ST18: variants seen among roughly 807,000 people sequenced by gnomAD.
ST18 encodes the protein ST18 C2H2C-type zinc finger transcription factor.
Under a neutral mutation model 110.0 loss-of-function variants are expected in ST18, and 50 were observed. The ratio of observed to expected loss-of-function variants is 0.45; its 90% CI spans 0.36 to 0.58. The LOEUF (loss-of-function observed/expected upper bound fraction) is 0.58, where lower values mean the gene tolerates loss of function less well. Among genes scored for constraint, ST18 ranks in the 20% least tolerant of loss-of-function variants. The pLI is 0.00. For synonymous variants in ST18, 461 were observed against 452.4 expected (o/e 1.02, Z -0.24); for missense variants, 1,306 against 1,280.1 (o/e 1.02, Z -0.31).
At chr8:52,371,838 A>T (rs1830385124) in intron 2 of ST18, among the ~76,000 whole-genome samples, 1 of 152,224 alleles carries the variant, frequency 6.6e-6, no homozygotes, top group Admixed American at 6.5e-5. Context: ...TGGAGTAAGC[A>T]ACCCTACTGC....
intron 2 of ST18, among the ~76,000 whole-genome samples, chr8:52,357,184 C>T (rs925929653): frequency 6.6e-6 from 1 of 152,062 alleles, no homozygotes; most frequent in Non-Finnish European, 1.5e-5. Context: ...TATCGAGCTT[C>T]CATCCCCTCA....
chr8:52,363,225 A>C (rs1300301256), intron 2 of ST18, among the ~76,000 whole-genome samples: 1 of 152,158 alleles, frequency 6.6e-6, no homozygotes, highest in Admixed American at 6.5e-5. Context: ...AAGAAAAAAA[A>C]AATCTCCTGC....
At chr8:52,231,635 C>T (rs943037241) in intron 2 of ST18, among the ~76,000 whole-genome samples, 3 of 152,142 alleles carry the variant, frequency 2.0e-5, no homozygotes, top group African/African-American at 2.4e-5. Context: ...GGCCACCAAG[C>T]CCAGTGAATT....
At chr8:52,183,687 T>C (rs1479243663) in intron 8 of ST18, among the ~76,000 whole-genome samples, 1 of 152,164 alleles carries the variant, frequency 6.6e-6, no homozygotes, top group African/African-American at 2.4e-5. Context: ...TAGGTAAAGA[T>C]GGAACTGTCT....
intron 3 of ST18, among the ~76,000 whole-genome samples, chr8:52,227,275 G>A (rs1409550384): frequency 6.6e-6 from 1 of 152,156 alleles, no homozygotes; most frequent in African/African-American, 2.4e-5. Flanking sequence ...GGATTGCCAT[G>A]CTAGACAGTG....
At chr8:52,194,448 C>G (rs1479702558) in intron 8 of ST18, 1 of 152,194 alleles carries the variant, frequency 6.6e-6, no homozygotes, top group Non-Finnish European at 1.5e-5. Context: ...CTGTTTCTTG[C>G]TCCTTTTTAT....
At chr8:52,116,520 A>C in intron 24 of ST18, 102 bp from the exon 25 acceptor site, 1 of 1,115,246 alleles carries the variant, frequency 9.0e-7, no homozygotes, top group Non-Finnish European at 1.3e-6. Flanking sequence ...GAATACTAAG[A>C]GATGCAGAGA....
At chr8:52,113,384 T>A in intron 25 of ST18, 46 bp from the exon 26 acceptor site, 1 of 1,601,400 alleles carries the variant, frequency 6.2e-7, no homozygotes, top group Non-Finnish European at 8.5e-7. Flanking sequence ...TGGTTCAGGC[T>A]GAGGGAAAAG....
intron 8 of ST18, among the ~76,000 whole-genome samples, chr8:52,206,046 G>C (rs950979217): frequency 1.9e-4 from 29 of 152,198 alleles, no homozygotes; most frequent in Admixed American, 1.2e-3. Context: ...CAGACAATAT[G>C]GCACGGCTGC....
At chr8:52,367,568 T>C (rs933877499) in intron 2 of ST18, among the ~76,000 whole-genome samples, 9 of 152,224 alleles carry the variant, frequency 5.9e-5, no homozygotes, top group Admixed American at 3.3e-4. Flanking sequence ...ATGTGTGTGA[T>C]GAATATTACA....
At chr8:52,184,753 A>G (rs2071314863) in intron 8 of ST18, among the ~76,000 whole-genome samples, 1 of 152,218 alleles carries the variant, frequency 6.6e-6, no homozygotes, top group African/African-American at 2.4e-5. Flanking sequence ...TCAGCAATAG[A>G]TACATTCTGG....
At chr8:52,300,291 G>T (rs2095698588) in intron 2 of ST18, among the ~76,000 whole-genome samples, 1 of 152,138 alleles carries the variant, frequency 6.6e-6, no homozygotes, top group Non-Finnish European at 1.5e-5. Context: ...TTGCTATACA[G>T]ATTCTTGAAT....
intron 2 of ST18, among the ~76,000 whole-genome samples, chr8:52,309,468 C>T (rs1444137336): frequency 1.4e-5 from 2 of 143,804 alleles, no homozygotes; most frequent in Non-Finnish European, 3.0e-5. Flanking sequence ...TTGCAGTGAG[C>T]CGAGATTGCA....
chr8:52,167,484 G>A (rs2063396344), intron 10 of ST18, among the ~76,000 whole-genome samples: 1 of 152,242 alleles, frequency 6.6e-6, no homozygotes, highest in African/African-American at 2.4e-5. Flanking sequence ...AGCAGAGCCT[G>A]CTCCCTGCAG....
At chr8:52,216,108 T>C (rs912960794) in intron 6 of ST18, among the ~76,000 whole-genome samples, 2 of 152,244 alleles carry the variant, frequency 1.3e-5, no homozygotes, top group African/African-American at 4.8e-5. Context: ...TGAGTTTCTT[T>C]AGCAAAACTG....
At chr8:52,371,479 G>A (rs1281539471) in intron 2 of ST18, among the ~76,000 whole-genome samples, 1 of 152,128 alleles carries the variant, frequency 6.6e-6, no homozygotes, top group African/African-American at 2.4e-5. Context: ...CATGCATATT[G>A]TGTATGATTG....
rs114109880 is a variant in ST18, at chr8:52,376,889, A to G, written c.-465+32439T>C. ...ATAAATCTAAGCTCAGTCAATTTGG[A>G]CTTTGATGGGTCCAAGATTTTCATC... On this transcript the variant is annotated intron_variant, in intron 2 of 25. Coordinates refer to ENST00000689386, the MANE Select transcript of ST18 (RefSeq NM_001352837.2). Among the ~76,000 whole-genome samples the G allele has an allele frequency of 2.6e-3, 399 of 152,320 alleles. 2 individuals carry two copies. Among genetic ancestry groups the G allele is most frequent in the African/African-American group, 9.2e-3 (382 of 41,566 alleles).
chr8:52,175,123 G>A (rs1242504245), intron 9 of ST18, among the ~76,000 whole-genome samples: 1 of 152,076 alleles, frequency 6.6e-6, no homozygotes, highest in East Asian at 1.9e-4. Flanking sequence ...ACCTGCCTGA[G>A]CTTGGCACCA....
intron 8 of ST18, among the ~76,000 whole-genome samples, chr8:52,189,651 A>G (rs1563959591): frequency 6.6e-6 from 1 of 152,070 alleles, no homozygotes; most frequent in African/African-American, 2.4e-5. Flanking sequence ...ATGGTCGTTT[A>G]CTTGGAGAAC....
Sources: allele counts gnomAD v4.1 joint callset (sites outside exome capture counted in the v4.1 genomes callset), GRCh38; gene constraint gnomAD v4.1.1; transcripts MANE v1.5; gene names NCBI Gene and HGNC (gene_info 2026-07-23, HGNC 2026-07-21).